Variants in PITPNM3 observed in about 807,000 individuals in gnomAD.
PITPNM3 encodes the protein membrane-associated phosphatidylinositol transfer protein 3.
In PITPNM3, 26 loss-of-function variants were observed where a neutral mutation model predicts 102.0. The ratio of observed to expected loss-of-function variants is 0.25; its 90% CI spans 0.19 to 0.35. The LOEUF (loss-of-function observed/expected upper bound fraction) is 0.35, where lower values mean the gene tolerates loss of function less well. Among genes scored for constraint, PITPNM3 ranks in the 10% least tolerant of loss-of-function variants. The probability of loss-of-function intolerance (pLI) is 1.00; values close to 1 mark genes in which losing one functional copy is unlikely to be tolerated. For missense variants in PITPNM3, 1,083 were observed against 1,346.1 expected, an observed-to-expected ratio of 0.80 and a Z score of 3.06; for synonymous variants, 578 against 558.6, an observed-to-expected ratio of 1.03 and a Z score of -0.49.
chr17:6,489,307 T>A (rs919978989), intron 4 of PITPNM3, among the ~76,000 whole-genome samples: 1 of 151,976 alleles, frequency 6.6e-6, no homozygotes, highest in African/African-American at 2.4e-5. Flanking sequence ...AGTCTCCTCC[T>A]CCATCCTTGG....
At chr17:6,527,473 A>G (rs1908899421) in intron 2 of PITPNM3, among the ~76,000 whole-genome samples, 1 of 152,202 alleles carries the variant, frequency 6.6e-6, no homozygotes, top group Non-Finnish European at 1.5e-5. Context: ...GCATGATGGT[A>G]TCATCATCAC....
rs781573386 is a variant in PITPNM3 at position 6,470,416 on chromosome 17, T to C, written c.1625-8A>G. ...CCCACCACTTGGCTGTGACTGTGGGTCGGAGAGGAAGGTGAGGATGCGTGG... is the reference window on the plus strand; with the variant it reads ...CCCACCACTTGGCTGTGACTGTGGGCCGGAGAGGAAGGTGAGGATGCGTGG... On this transcript the variant is annotated splice_region_variant and splice_polypyrimidine_tract_variant and intron_variant, in intron 12 of 19. Coordinates refer to ENST00000262483, the MANE Select transcript of PITPNM3 (RefSeq NM_031220.4). This position sits in a 1 kb window ranked among gnomAD's most constrained non-coding sequence, Gnocchi z 4.8. 2 of 1,613,924 alleles carry C rather than the reference T, an allele frequency of 1.2e-6. No homozygotes were observed. Among genetic ancestry groups the C allele is most frequent in the Non-Finnish European group, 1.7e-6 (2 of 1,179,974 alleles).
intron 2 of PITPNM3, among the ~76,000 whole-genome samples, chr17:6,531,055 C>T (rs990345484): frequency 6.6e-6 from 1 of 152,234 alleles, no homozygotes; most frequent in Admixed American, 6.5e-5. Flanking sequence ...GTAACACTAT[C>T]TCCTGGCAGT....
At chr17:6,518,601 A>G (rs73978326) in intron 3 of PITPNM3, among the ~76,000 whole-genome samples, 3,861 of 152,314 alleles carry the variant, frequency 0.025, 145 homozygotes, top group African/African-American at 0.087. Context: ...GAAATAATTA[A>G]TGAAATAAAA....
intron 1 of PITPNM3, among the ~76,000 whole-genome samples, chr17:6,554,401 G>A (rs1392848126): frequency 6.6e-6 from 1 of 151,888 alleles, no homozygotes; most frequent in Non-Finnish European, 1.5e-5. Context: ...AGAAGGGAGA[G>A]GTAACCAGAC....
At chr17:6,509,590 G>A (rs534549360) in intron 3 of PITPNM3, among the ~76,000 whole-genome samples, 1 of 152,250 alleles carries the variant, frequency 6.6e-6, no homozygotes, top group East Asian at 1.9e-4. Flanking sequence ...ATGAAGCCTG[G>A]CTGAGGAGCG....
At chr17:6,504,328 C>G (rs986859368) in intron 3 of PITPNM3, among the ~76,000 whole-genome samples, 2 of 152,128 alleles carry the variant, frequency 1.3e-5, no homozygotes, top group African/African-American at 4.8e-5. Flanking sequence ...TGACCCCATG[C>G]CTGCCTCTCA....
rs367572957 is a variant in PITPNM3 at position 6,486,267 on chromosome 17, C to A, written c.275-1975G>T. ...TTTGTCTTCAGGGAGGAGGAACTGG[C>A]TCATCTCTTAAAGTCGTAGGTTCTA... On this transcript the variant is annotated intron_variant, in intron 4 of 19. Coordinates refer to ENST00000262483, the MANE Select transcript of PITPNM3 (RefSeq NM_031220.4). 9.8e-5 allele frequency among the ~76,000 whole-genome samples: 15 copies of A among 152,294 alleles called. No homozygotes were observed. The South Asian group carries it at 2.9e-3, about 29-fold the overall frequency.
In PITPNM3 at chr17:6,468,406, T is replaced by G; in HGVS notation, c.1774-65A>C. 6.6e-7 allele frequency: 1 copy of G among 1,523,282 alleles called. No individual in the cohort carries two copies. Among genetic ancestry groups the G allele is most frequent in the Non-Finnish European group, 9.1e-7 (1 of 1,098,900 alleles). The allele number at this position is 1,523,282 out of a possible 1,614,324, so 94.4% of individuals were successfully genotyped here. On this transcript the variant is annotated intron_variant, in intron 13 of 19. Transcript: ENST00000262483. The surrounding 1 kb of genome is among the most constrained non-coding windows in gnomAD (Gnocchi z 5.2). Reference sequence around the variant, plus strand: ...GCTTCTCTGCTTCCCTCCCAGGGTGTCAGTGCCCACCAGCTTGTGGCCAGC... The same window carrying G: ...GCTTCTCTGCTTCCCTCCCAGGGTGGCAGTGCCCACCAGCTTGTGGCCAGC...
Position 6,464,219 on chromosome 17 carries a change from G to A in PITPNM3, c.2107C>T (p.Arg703Trp), listed in dbSNP as rs149585484. 1.0e-3 allele frequency: 1,671 copies of A among 1,614,138 alleles called. 2 individuals are homozygous for A. The highest frequency in any genetic ancestry group is 1.3e-3 in the Non-Finnish European group (1,522 of 1,180,020). Residue 703 changes from arginine (R) to tryptophan (W), a missense_variant, in exon 16 of 20, where the codon CGG (arginine) becomes TGG (tryptophan). By Grantham distance (101) the Arg-to-Trp change is moderately radical (BLOSUM62 -3). Transcript: ENST00000262483. ...SSGRITYNVP[R>W]PRRLGVGVYP... ...ACACCAACCCCCAGGCGCCGGGGCCGCGGCACATTGTATGTGATGCGACCA... is the reference window on the plus strand; with the variant it reads ...ACACCAACCCCCAGGCGCCGGGGCCACGGCACATTGTATGTGATGCGACCA...
chr17:6,538,826 G>A (rs1455156639), intron 1 of PITPNM3, among the ~76,000 whole-genome samples: 1 of 152,148 alleles, frequency 6.6e-6, no homozygotes. Flanking sequence ...AAACAAGCAT[G>A]GGGCGGGGGG....
chr17:6,485,899 AT>A (rs1906064004), intron 4 of PITPNM3, among the ~76,000 whole-genome samples: 1 of 152,196 alleles, frequency 6.6e-6, no homozygotes, highest in Non-Finnish European at 1.5e-5. Flanking sequence ...TCATTTACAT[AT>A]TGTCTATGGC....
At chr17:6,518,681 C>T (rs914415867) in intron 3 of PITPNM3, among the ~76,000 whole-genome samples, 3 of 152,064 alleles carry the variant, frequency 2.0e-5, no homozygotes, top group Non-Finnish European at 4.4e-5. Context: ...AAAGTAAGAG[C>T]TATTTCTTTG....
Position 6,472,095 on chromosome 17 carries a change from T to A in PITPNM3, c.1429+562A>T, listed in dbSNP as rs948189497. 3.9e-5 allele frequency among the ~76,000 whole-genome samples: 6 copies of A among 152,172 alleles called. No individual in the cohort carries two copies. Among genetic ancestry groups the A allele is most frequent in the African/African-American group, 1.2e-4 (5 of 41,436 alleles). ...CTGACTGTCCATTACAGGTCTCCCA[T>A]CGACGATACACTCGGTCCATGCCCG... is the stretch of plus-strand genomic sequence containing the variant. On this transcript the variant is annotated intron_variant, in intron 11 of 19. Coordinates refer to ENST00000262483, the MANE Select transcript of PITPNM3 (RefSeq NM_031220.4). The surrounding 1 kb of genome is among the most constrained non-coding windows in gnomAD (Gnocchi z 4.1).
chr17:6,525,512 G>A, intron 2 of PITPNM3, 49 bp from the exon 3 acceptor site: 1 of 1,402,606 alleles, frequency 7.1e-7, no homozygotes, highest in South Asian at 1.2e-5. Context: ...CTAGGGATAG[G>A]TAGCCCTATC....
At position 6,471,112 on chromosome 17, in the gene PITPNM3, G is replaced by T. The variant is rs756376016; in HGVS notation, c.1624+49C>A. On this transcript the variant is annotated intron_variant, in intron 12 of 19. Transcript: ENST00000262483. ...GTGGCCCAGCAAACACCCAGAGGAA[G>T]GTTCCCCTCCCCCGAATCCAGGCAG... 5.6e-6 allele frequency: 9 copies of T among 1,602,078 alleles called. No homozygotes were observed. In the East Asian group the frequency reaches 2.0e-4, roughly 36 times the overall value.
intron 1 of PITPNM3, among the ~76,000 whole-genome samples, chr17:6,553,054 A>G (rs926664748): frequency 1.4e-5 from 2 of 147,586 alleles, no homozygotes; most frequent in East Asian, 2.1e-4. Flanking sequence ...ACAGGCACGA[A>G]CCACCGCACC....
rs1479574821 is a variant in PITPNM3 at position 6,481,857 on chromosome 17, G to T, written c.587+1660C>A. The stretch of plus-strand genomic sequence containing the variant: ...TAGATAAACAGAATAGAATGATAGA[G>T]AGAGAGAGAGAGAGAGAGAGAGAGA... On this transcript the variant is annotated intron_variant, in intron 6 of 19. Coordinates refer to ENST00000262483, the MANE Select transcript of PITPNM3 (RefSeq NM_031220.4). 1.8e-4 allele frequency: 8 copies of T among 44,770 alleles called. No homozygotes were observed. The East Asian group carries it at 4.0e-3, about 22-fold the overall frequency. The allele number at this position is 44,770 out of a possible 1,614,324, so 2.8% of individuals were successfully genotyped here.
chr17:6,487,464 T>C (rs559071187), intron 4 of PITPNM3, among the ~76,000 whole-genome samples: 61 of 152,220 alleles, frequency 4.0e-4, no homozygotes, highest in African/African-American at 1.3e-3. Context: ...GATGGGGACA[T>C]TGCCGCCTCC....
Sources: allele counts gnomAD v4.1 joint callset (sites outside exome capture counted in the v4.1 genomes callset), GRCh38; gene constraint gnomAD v4.1.1; non-coding constraint Gnocchi (gnomAD v3.1); transcripts MANE v1.5; gene names NCBI Gene and HGNC (gene_info 2026-07-23, HGNC 2026-07-21).